Variants in NOTCH2NLB observed in about 807,000 individuals in gnomAD.
NOTCH2NLB encodes the protein notch homolog 2 N-terminal-like protein B.
NOTCH2NLB carries 1 observed loss-of-function variant against 14.8 expected under a neutral mutation model. That is an observed-to-expected ratio of 0.07 (90% CI 0.02 to 0.32). The LOEUF (loss-of-function observed/expected upper bound fraction) is 0.32. Ranked by LOEUF, NOTCH2NLB falls within the 10% of genes least tolerant of loss-of-function variation. The pLI is 1.00. For synonymous variants in NOTCH2NLB, 6 were observed against 57.5 expected (o/e 0.10, Z 4.05); for missense variants, 11 against 155.0 (o/e 0.07, Z 4.93).
intron 2 of NOTCH2NLB, among the ~76,000 whole-genome samples, chr1:148,637,633 G>C (rs1480106073): frequency 6.8e-6 from 1 of 146,244 alleles, no homozygotes; most frequent in Admixed American, 6.7e-5. Flanking sequence ...GTGCAGGTTT[G>C]TTTCATAGGT....
At chr1:148,627,747 G>C (rs1664017190) in intron 2 of NOTCH2NLB, among the ~76,000 whole-genome samples, 3 of 150,494 alleles carry the variant, frequency 2.0e-5, no homozygotes, top group Non-Finnish European at 4.4e-5. Flanking sequence ...CCCTGAGCCT[G>C]TGTTACTCAT....
intron 2 of NOTCH2NLB, among the ~76,000 whole-genome samples, chr1:148,621,785 G>T (rs1196471009): frequency 2.7e-5 from 3 of 109,546 alleles, no homozygotes; most frequent in Non-Finnish European, 5.3e-5. Context: ...TTTTTTCCAG[G>T]ATTCAATGGT....
chr1:148,630,320 G>C, intron 2 of NOTCH2NLB, among the ~76,000 whole-genome samples: 1 of 103,492 alleles, frequency 9.7e-6, no homozygotes, highest in Non-Finnish European at 1.8e-5. Flanking sequence ...CTGTCCCCAG[G>C]TCCTCTCCTT....
chr1:148,703,183 G>A, the NOTCH2NLB span, among the ~76,000 whole-genome samples: 1 of 55,514 alleles, frequency 1.8e-5, no homozygotes, highest in African/African-American at 6.0e-5. Flanking sequence ...CCAGCTACTC[G>A]GGAGGCTGAG....
intron 2 of NOTCH2NLB, among the ~76,000 whole-genome samples, chr1:148,638,077 G>A (rs1318644795): frequency 1.3e-5 from 2 of 149,034 alleles, no homozygotes. Flanking sequence ...CCTTATAGCA[G>A]AATGATTTAT....
At chr1:148,661,547 G>T (rs1459954058) in intron 1 of NOTCH2NLB, among the ~76,000 whole-genome samples, 2 of 149,784 alleles carry the variant, frequency 1.3e-5, no homozygotes, top group East Asian at 3.9e-4. Context: ...TGAAAAAATT[G>T]TATGTATTTT....
intron 3 of NOTCH2NLB, among the ~76,000 whole-genome samples, chr1:148,610,329 G>GAAAGAAAC: frequency 1.5e-5 from 1 of 65,346 alleles, no homozygotes; most frequent in Non-Finnish European, 3.1e-5. Flanking sequence ...GAGAGAGAAA[G>GAAAGAAAC]AAAGAAAGAA....
chr1:148,682,626 G>A (rs1411680190), upstream of NOTCH2NLB, among the ~76,000 whole-genome samples: 3 of 43,080 alleles, frequency 7.0e-5, no homozygotes, highest in Non-Finnish European at 1.2e-4. Flanking sequence ...CAAAGTAACC[G>A]TTTTAAAGAA....
intron 1 of NOTCH2NLB, among the ~76,000 whole-genome samples, chr1:148,670,539 A>AATATATATATACATATATAT (rs1664749373): frequency 1.1e-5 from 1 of 93,482 alleles, no homozygotes; most frequent in African/African-American, 4.3e-5. Context: ...TAAAAAAAAA[A>AATATATATATACATATATAT]ATATATATAT....
intron 1 of NOTCH2NLB, among the ~76,000 whole-genome samples, chr1:148,651,185 A>G (rs1282637034): frequency 7.9e-6 from 1 of 126,998 alleles, no homozygotes; most frequent in Non-Finnish European, 1.7e-5. Flanking sequence ...ATATATATAT[A>G]TATATATATT....
At chr1:148,670,537 A>ATATATAT (rs1553341879) in intron 1 of NOTCH2NLB, among the ~76,000 whole-genome samples, 16 of 82,888 alleles carry the variant, frequency 1.9e-4, no homozygotes, top group African/African-American at 8.7e-4. Context: ...ACTAAAAAAA[A>ATATATAT]AAATATATAT....
intron 2 of NOTCH2NLB, among the ~76,000 whole-genome samples, chr1:148,616,560 A>C (rs1219968664): frequency 1.3e-5 from 2 of 150,072 alleles, no homozygotes; most frequent in Admixed American, 1.3e-4. Flanking sequence ...CAACGGAAAA[A>C]GGGAAAGGAG....
intron 1 of NOTCH2NLB, among the ~76,000 whole-genome samples, chr1:148,661,335 C>T (rs1432884790): frequency 1.3e-5 from 2 of 150,030 alleles, no homozygotes; most frequent in Admixed American, 6.7e-5. Context: ...AGGTCTATTC[C>T]TCCTCCCAAC....
At chr1:148,703,356 TA>T in the NOTCH2NLB span, among the ~76,000 whole-genome samples, 1 of 112,256 alleles carries the variant, frequency 8.9e-6, no homozygotes, top group Non-Finnish European at 1.9e-5. Flanking sequence ...GCAGGACAAA[TA>T]AACAAAGGAA....
rs1357566757 is a variant in NOTCH2NLB at position 148,638,294 on chromosome 1, C to T, written c.77+1722G>A. 2.0e-5 allele frequency among the ~76,000 whole-genome samples: 3 copies of T among 149,202 alleles called. 1 individual carries two copies. The highest frequency in any genetic ancestry group is 4.5e-5 in the Non-Finnish European group (3 of 67,252). On this transcript the variant is annotated intron_variant, in intron 2 of 4. Transcript: ENST00000593495. ...AACACATTGCTGAACAATAACTACA[C>T]CAGGCACTGTAATAGGCATTAACTA...
chr1:148,712,536 G>C, the NOTCH2NLB span, among the ~76,000 whole-genome samples: 1 of 152,302 alleles, frequency 6.6e-6, no homozygotes, highest in Non-Finnish European at 1.5e-5. Context: ...TCCTATACTG[G>C]ATATGTCAAC....
the NOTCH2NLB span, among the ~76,000 whole-genome samples, chr1:148,703,224 A>G: frequency 7.9e-4 from 85 of 108,146 alleles, 8 homozygotes; most frequent in East Asian, 0.025. Flanking sequence ...CAGGAGGCGG[A>G]GCTTGCAGTG....
the NOTCH2NLB span, among the ~76,000 whole-genome samples, chr1:148,686,685 G>T: frequency 1.8e-5 from 2 of 108,722 alleles, no homozygotes. Context: ...GCTTACTTAT[G>T]TAAACTCTGA....
the NOTCH2NLB span, among the ~76,000 whole-genome samples, chr1:148,693,090 C>A: frequency 7.7e-5 from 2 of 25,934 alleles, no homozygotes; most frequent in Admixed American, 3.9e-4. Context: ...AGAGAGCCGC[C>A]CCCCCCCCCC....
Sources: gnomAD v4.1 joint callset for allele counts (sites outside exome capture counted in the v4.1 genomes callset) on GRCh38, gnomAD v4.1.1 for gene constraint, MANE v1.5 for transcripts, NCBI Gene and HGNC (gene_info 2026-07-23, HGNC 2026-07-21) for gene names.